The following FARS2 variants were observed in gnomAD, a reference collection of about 807,000 sequenced individuals.
FARS2 encodes the protein phenylalanine--tRNA ligase, mitochondrial.
FARS2 carries 40 observed loss-of-function variants against 46.4 expected under a neutral mutation model. That is an observed-to-expected ratio of 0.86 (90% CI 0.67 to 1.12). The LOEUF (loss-of-function observed/expected upper bound fraction) is 1.12, where lower values mean the gene tolerates loss of function less well. Among genes scored for constraint, FARS2 ranks in the 50% most tolerant of loss-of-function variants. The pLI, the probability that FARS2 is intolerant of heterozygous loss-of-function variation, is 0.00. For synonymous variants in FARS2, 234 were observed against 214.9 expected, an observed-to-expected ratio of 1.09 and a Z score of -0.78; for missense variants, 513 against 567.9, an observed-to-expected ratio of 0.90 and a Z score of 0.98.
In FARS2 at chr6:5,630,492, T is replaced by G. The variant is rs1776246870; in HGVS notation, c.1217+17172T>G. Among the ~76,000 whole-genome samples the G allele has an allele frequency of 6.6e-6, 1 of 152,224 alleles. No individual in the cohort carries two copies. Among genetic ancestry groups the G allele is most frequent in the Non-Finnish European group, 1.5e-5 (1 of 68,034 alleles). On this transcript the variant is annotated intron_variant, in intron 6 of 6. Coordinates refer to ENST00000274680, the MANE Select transcript of FARS2 (RefSeq NM_006567.5). The surrounding 1 kb of genome is among the most constrained non-coding windows in gnomAD (Gnocchi z 4.2). ...GAGAATACTTGATTTAATGGATTTA[T>G]GCAAAGGGTTGGTGTCTCATGGAGC... is the stretch of plus-strand genomic sequence containing the variant.
chr6:5,463,820 G>C (rs1326808958), intron 4 of FARS2, among the ~76,000 whole-genome samples: 1 of 152,094 alleles, frequency 6.6e-6, no homozygotes, highest in Non-Finnish European at 1.5e-5. Flanking sequence ...TTTCAACCCT[G>C]CATTTCTTTC....
chr6:5,320,865 G>A (rs1299335346), intron 1 of FARS2, among the ~76,000 whole-genome samples: 2 of 152,182 alleles, frequency 1.3e-5, no homozygotes, highest in East Asian at 3.9e-4. Context: ...CTCATAGATG[G>A]CACTTTCTAC....
chr6:5,661,518 C>T (rs113915331), intron 6 of FARS2, among the ~76,000 whole-genome samples: 11 of 152,134 alleles, frequency 7.2e-5, no homozygotes, highest in Admixed American at 1.3e-4. Context: ...CTGCCTGGAA[C>T]GTGGGGGAGC....
intron 3 of FARS2, among the ~76,000 whole-genome samples, chr6:5,410,149 G>GTTTTTTTT (rs1171325752): frequency 4.1e-5 from 5 of 120,532 alleles, no homozygotes; most frequent in South Asian, 2.8e-4. Flanking sequence ...TCGTTTTTGT[G>GTTTTTTTT]TTTTTTTGTT....
chr6:5,632,269 C>T (rs754637788), intron 6 of FARS2, among the ~76,000 whole-genome samples: 18 of 152,234 alleles, frequency 1.2e-4, no homozygotes, highest in South Asian at 2.1e-4. Flanking sequence ...ACTCTGAATC[C>T]GAGGTCTCAG....
intron 4 of FARS2, among the ~76,000 whole-genome samples, chr6:5,474,661 C>CTATTTTT (rs34998565): frequency 4.2e-5 from 3 of 71,372 alleles, no homozygotes; most frequent in Non-Finnish European, 3.1e-5. Flanking sequence ...AAATACAGTA[C>CTATTTTT]TGTTTTTTTT....
intron 6 of FARS2, among the ~76,000 whole-genome samples, chr6:5,743,685 A>G (rs529308273): frequency 7.9e-5 from 12 of 152,230 alleles, no homozygotes; most frequent in Non-Finnish European, 1.3e-4. Flanking sequence ...AAGGGAGCAC[A>G]TTGTTGGTAG....
intron 4 of FARS2, among the ~76,000 whole-genome samples, chr6:5,479,844 TATACCAGTCTCAGGGAG>T (rs1308485356): frequency 2.0e-5 from 3 of 152,240 alleles, no homozygotes; most frequent in Admixed American, 2.0e-4. Context: ...CACACCTGAA[TATACCAGTCTCAGGGAG>T]ATACCAGCTA....
Position 5,532,780 on chromosome 6 carries a change from T to TAAGAAGAAG in FARS2, c.905-12398_905-12397insGAAGAAGAA, listed in dbSNP as rs1441043690. ...GTAGTAGTAGTAATAATAATAATAA[T>TAAGAAGAAG]AATAAGAAGAAGAAGAAGAAGAAGA... On this transcript the variant is annotated intron_variant, in intron 4 of 6. Coordinates refer to ENST00000274680, the MANE Select transcript of FARS2 (RefSeq NM_006567.5). 2.0e-4 allele frequency among the ~76,000 whole-genome samples: 29 copies of TAAGAAGAAG among 146,520 alleles called. 1 individual carries two copies. The highest frequency in any genetic ancestry group is 1.5e-3 in the South Asian group (7 of 4,660).
intron 2 of FARS2, among the ~76,000 whole-genome samples, chr6:5,386,367 A>G (rs571998053): frequency 1.4e-4 from 22 of 152,312 alleles, no homozygotes; most frequent in Non-Finnish European, 2.6e-4. Context: ...AGGGCCTGCT[A>G]TGTAACTTTT....
rs73718042 is a variant in FARS2 at position 5,286,898 on chromosome 6, T to C, written c.-22+25238T>C. Reference sequence around the variant, plus strand: ...CAGAATCTTTCTGAGAGTGAGAAACTCCTCCCGGGGCATGTTCGCCTCTGA... The same window carrying C: ...CAGAATCTTTCTGAGAGTGAGAAACCCCTCCCGGGGCATGTTCGCCTCTGA... On this transcript the variant is annotated intron_variant, in intron 1 of 6. Transcript: ENST00000274680. 3.4e-3 allele frequency among the ~76,000 whole-genome samples: 522 copies of C among 152,300 alleles called. 6 individuals carry two copies. The highest frequency in any genetic ancestry group is 0.012 in the African/African-American group (497 of 41,544).
chr6:5,697,307 A>G (rs1293213611), intron 6 of FARS2, among the ~76,000 whole-genome samples: 1 of 152,198 alleles, frequency 6.6e-6, no homozygotes, highest in Non-Finnish European at 1.5e-5. Flanking sequence ...GGTGAAGGAA[A>G]CAGACCGATG....
At chr6:5,547,375 C>G (rs1561704015) in intron 5 of FARS2, among the ~76,000 whole-genome samples, 1 of 145,002 alleles carries the variant, frequency 6.9e-6, no homozygotes, top group Non-Finnish European at 1.5e-5. Context: ...CTTCACTTGT[C>G]TTTTTGTTTT....
intron 4 of FARS2, among the ~76,000 whole-genome samples, chr6:5,461,054 T>A (rs1765214374): frequency 6.6e-6 from 1 of 152,000 alleles, no homozygotes; most frequent in Non-Finnish European, 1.5e-5. Flanking sequence ...TTTTTTTTTT[T>A]TTGAGTCACG....
intron 6 of FARS2, among the ~76,000 whole-genome samples, chr6:5,739,520 A>C (rs183541028): frequency 6.6e-6 from 1 of 152,302 alleles, no homozygotes; most frequent in Admixed American, 6.5e-5. Context: ...ATGGCTTAGG[A>C]GAAGGAATTT....
intron 5 of FARS2, among the ~76,000 whole-genome samples, chr6:5,583,433 C>T (rs1445851079): frequency 3.3e-5 from 5 of 152,142 alleles, no homozygotes; most frequent in East Asian, 3.9e-4. Flanking sequence ...TGAATAAAGA[C>T]GGCTCTGCTT....
intron 2 of FARS2, among the ~76,000 whole-genome samples, chr6:5,376,689 G>C (rs976858629): frequency 6.6e-6 from 1 of 152,076 alleles, no homozygotes; most frequent in Admixed American, 6.5e-5. Context: ...AGTACACCGC[G>C]AGTGGTACTA....
chr6:5,508,663 T>A (rs1768248643), intron 4 of FARS2, among the ~76,000 whole-genome samples: 1 of 152,180 alleles, frequency 6.6e-6, no homozygotes, highest in African/African-American at 2.4e-5. Flanking sequence ...TTGAAGGCCC[T>A]GAAAGGTAAA....
chr6:5,341,208 T>TAG (rs1771559505), intron 1 of FARS2, among the ~76,000 whole-genome samples: 3 of 5,346 alleles, frequency 5.6e-4, no homozygotes, highest in Admixed American at 4.9e-3. Context: ...TATATATATA[T>TAG]ATATATATAT....
Sources: gnomAD v4.1 joint callset for allele counts (sites outside exome capture counted in the v4.1 genomes callset) on GRCh38, gnomAD v4.1.1 for gene constraint, Gnocchi (gnomAD v3.1) non-coding constraint, MANE v1.5 for transcripts, NCBI Gene and HGNC (gene_info 2026-07-23, HGNC 2026-07-21) for gene names.